The following OTUD7A variants were observed in gnomAD, a reference collection of about 807,000 sequenced individuals.
The protein encoded by OTUD7A is OTU domain-containing protein 7A.
In OTUD7A, 12 loss-of-function variants were observed where a neutral mutation model predicts 65.7. The ratio of observed to expected loss-of-function variants is 0.18; its 90% CI spans 0.12 to 0.30. The LOEUF (loss-of-function observed/expected upper bound fraction) is 0.30, where lower values mean the gene tolerates loss of function less well. OTUD7A is among the 10% of genes least tolerant of loss of function. OTUD7A has a pLI of 1.00. For synonymous variants in OTUD7A, 641 were observed against 586.3 expected (o/e 1.09, Z -1.35); for missense variants, 1,148 against 1,304.8 (o/e 0.88, Z 1.85).
intron 1 of OTUD7A, among the ~76,000 whole-genome samples, chr15:31,772,448 G>C (rs1421329223): frequency 6.6e-6 from 1 of 152,148 alleles, no homozygotes; most frequent in Non-Finnish European, 1.5e-5. Context: ...GAAAAAAAAT[G>C]ATGAGTTGTG....
intron 1 of OTUD7A, among the ~76,000 whole-genome samples, chr15:31,851,317 G>C (rs1455603315): frequency 1.3e-5 from 2 of 152,188 alleles, no homozygotes; most frequent in African/African-American, 4.8e-5. Flanking sequence ...GAAATTAGAA[G>C]ATGTAATGAA....
At chr15:31,720,990 C>T (rs1443357106) in intron 1 of OTUD7A, among the ~76,000 whole-genome samples, 1 of 152,028 alleles carries the variant, frequency 6.6e-6, no homozygotes, top group African/African-American at 2.4e-5. Context: ...GTATTCAGTA[C>T]AGCAACATTC....
intron 1 of OTUD7A, among the ~76,000 whole-genome samples, chr15:31,832,436 T>A (rs943705327): frequency 4.6e-5 from 7 of 151,422 alleles, no homozygotes; most frequent in African/African-American, 1.2e-4. Flanking sequence ...ATTGATACTT[T>A]AAAAAAAAAT....
At chr15:31,665,442 T>C (rs1595695756) in intron 1 of OTUD7A, among the ~76,000 whole-genome samples, 1 of 152,340 alleles carries the variant, frequency 6.6e-6, no homozygotes, top group African/African-American at 2.4e-5. Context: ...ACGGTTGAGT[T>C]ATTGATTTGA....
rs1264707832 is a variant in OTUD7A at position 31,483,507 on chromosome 15, G to C, written c.2589C>G (p.Gly863=). Residue 863 remains glycine (G), a synonymous_variant, in exon 13 of 13, where the codon GGC becomes GGG. Coordinates refer to ENST00000307050, the MANE Select transcript of OTUD7A (RefSeq NM_001382637.1). ...HKSQTYTNGF[G]ALRDGLEFAD... ...CGAACTCCAGGCCGTCGCGCAGGGCGCCGAAGCCGTTGGTGTAGGTCTGCG... is the reference window on the plus strand; with the variant it reads ...CGAACTCCAGGCCGTCGCGCAGGGCCCCGAAGCCGTTGGTGTAGGTCTGCG... The C allele has an allele frequency of 2.9e-6, 4 of 1,395,438 alleles. No individual in the cohort carries two copies. The East Asian group carries it at 1.4e-4, about 48-fold the overall frequency. The allele number at this position is 1,395,438 out of a possible 1,614,324, so 86.4% of individuals were successfully genotyped here.
intron 1 of OTUD7A, among the ~76,000 whole-genome samples, chr15:31,681,625 TTCTG>T (rs57390831): frequency 0.39 from 57,374 of 145,836 alleles, 10,952 homozygotes; most frequent in East Asian, 0.63. Flanking sequence ...CTCTATACCT[TTCTG>T]TCTGACTGTG....
At chr15:31,771,627 T>C (rs1192892423) in intron 1 of OTUD7A, among the ~76,000 whole-genome samples, 1 of 152,148 alleles carries the variant, frequency 6.6e-6, no homozygotes, top group Non-Finnish European at 1.5e-5. Flanking sequence ...AAAGAACTTT[T>C]AAAATGGTTA....
intron 1 of OTUD7A, among the ~76,000 whole-genome samples, chr15:31,822,177 T>C (rs1304871240): frequency 6.6e-6 from 1 of 152,240 alleles, no homozygotes; most frequent in South Asian, 2.1e-4. Flanking sequence ...GGTAGCTCTC[T>C]GAAGTGAGGC....
At chr15:31,579,718 A>C (rs1020195251) in intron 3 of OTUD7A, among the ~76,000 whole-genome samples, 1 of 152,224 alleles carries the variant, frequency 6.6e-6, no homozygotes, top group Non-Finnish European at 1.5e-5. Context: ...ATATGTATAT[A>C]TGCACATGTA....
intron 1 of OTUD7A, among the ~76,000 whole-genome samples, chr15:31,701,612 C>CGT (rs1743586850): frequency 6.6e-6 from 1 of 150,452 alleles, no homozygotes; most frequent in African/African-American, 2.4e-5. Context: ...TAATATGAAA[C>CGT]CGGTCATTTG....
chr15:31,592,915 ATATATATATATATATATATATG>A (rs1177165265), intron 3 of OTUD7A, among the ~76,000 whole-genome samples: 2 of 60,646 alleles, frequency 3.3e-5, no homozygotes, highest in South Asian at 5.0e-4. Flanking sequence ...ATATATATAT[ATATATATATATATATATATATG>A]TATATATACA....
At chr15:31,572,435 A>G (rs1240441316) in intron 3 of OTUD7A, among the ~76,000 whole-genome samples, 1 of 152,224 alleles carries the variant, frequency 6.6e-6, no homozygotes, top group Non-Finnish European at 1.5e-5. Flanking sequence ...ATCACCAAAA[A>G]GCAAGTTATT....
Position 31,483,935 on chromosome 15 carries a change from G to A in OTUD7A, c.2161C>T (p.Pro721Ser). ...TTGAGCTTGAGCACCAGCTGCGTGG[G>A]TGGGCCCGGAGAGGCGCGCTCCGGG... Reference protein sequence around the residue: ...PVPERASPGPPTQLVLKLKER... With the variant: ...PVPERASPGPSTQLVLKLKER... The change falls in exon 13 of 13, where the codon CCC becomes TCC. Residue 721 changes from proline (P) to serine (S), a missense_variant. This residue lies in a region of OTUD7A where 842 missense variants were observed against 769.5 expected (regional missense o/e 1.09). Coordinates refer to ENST00000307050, the MANE Select transcript of OTUD7A (RefSeq NM_001382637.1). The A allele has an allele frequency of 9.1e-7, 1 of 1,101,472 alleles. No homozygotes were observed. Among genetic ancestry groups the A allele is most frequent in the Non-Finnish European group, 1.1e-6 (1 of 896,628 alleles). The allele number at this position is 1,101,472 out of a possible 1,614,324, so 68.2% of individuals were successfully genotyped here.
intron 1 of OTUD7A, among the ~76,000 whole-genome samples, chr15:31,728,032 T>C (rs1162600984): frequency 1.3e-5 from 2 of 152,220 alleles, no homozygotes; most frequent in Admixed American, 6.5e-5. Flanking sequence ...AACTCTCTTC[T>C]GAACTTTACC....
At position 31,629,572 on chromosome 15, in the gene OTUD7A, T is replaced by C. The variant is rs149087577; in HGVS notation, c.151+25524A>G. ...AAATTCTCTTTTTTGTGTGTGTCTC[T>C]GCCAGGCTTTGGTATCAGGATGATG... On this transcript the variant is annotated intron_variant, in intron 3 of 12. Transcript: ENST00000307050. 3.3e-3 allele frequency among the ~76,000 whole-genome samples: 497 copies of C among 152,338 alleles called. 1 individual carries two copies. Among genetic ancestry groups the C allele is most frequent in the African/African-American group, 0.011 (477 of 41,570 alleles).
chr15:31,588,857 G>C (rs1889628293), intron 3 of OTUD7A, among the ~76,000 whole-genome samples: 1 of 152,234 alleles, frequency 6.6e-6, no homozygotes, highest in Admixed American at 6.5e-5. Flanking sequence ...CTGGAGGGCA[G>C]GGATTGCTAC....
At chr15:31,867,450 G>T (rs1181746800) in intron 1 of OTUD7A, among the ~76,000 whole-genome samples, 3 of 152,050 alleles carry the variant, frequency 2.0e-5, no homozygotes, top group African/African-American at 7.2e-5. Context: ...CAGGCTTGGG[G>T]GCCACAGGAA....
chr15:31,658,706 C>A (rs2141281692), intron 1 of OTUD7A, among the ~76,000 whole-genome samples: 1 of 152,018 alleles, frequency 6.6e-6, no homozygotes, highest in South Asian at 2.1e-4. Flanking sequence ...GGATAAAGAC[C>A]AAACTACCTC....
chr15:31,867,298 T>C (rs1440043621), intron 1 of OTUD7A, among the ~76,000 whole-genome samples: 1 of 152,218 alleles, frequency 6.6e-6, no homozygotes, highest in Non-Finnish European at 1.5e-5. Context: ...CGAAACGTTT[T>C]TCATCAGAGA....
Sources: gnomAD v4.1 joint callset for allele counts (sites outside exome capture counted in the v4.1 genomes callset) on GRCh38, gnomAD v4.1.1 for gene constraint, gnomAD v4.1.1 regional missense constraint, MANE v1.5 for transcripts, NCBI Gene and HGNC (gene_info 2026-07-23, HGNC 2026-07-21) for gene names.